Variants in PPP2R5D observed in about 807,000 individuals in gnomAD.
PPP2R5D encodes serine/threonine-protein phosphatase 2A 56 kDa regulatory subunit delta isoform.
Under a neutral mutation model 79.1 loss-of-function variants are expected in PPP2R5D, and 12 were observed. The ratio of observed to expected loss-of-function variants is 0.15; its 90% CI spans 0.10 to 0.25. The LOEUF (loss-of-function observed/expected upper bound fraction) is 0.25, where lower values mean the gene tolerates loss of function less well. PPP2R5D is among the 10% of genes least tolerant of loss of function. The pLI, the probability that PPP2R5D is intolerant of heterozygous loss-of-function variation, is 1.00. For synonymous variants in PPP2R5D, 277 were observed against 286.6 expected (o/e 0.97, Z 0.34); for missense variants, 419 against 760.2 (o/e 0.55, Z 5.28).
At chr6:43,003,878 G>A (rs1761914484) in intron 2 of PPP2R5D, among the ~76,000 whole-genome samples, 1 of 151,866 alleles carries the variant, frequency 6.6e-6, no homozygotes, top group Non-Finnish European at 1.5e-5. Context: ...GGGACTACAG[G>A]CACCCACCAC....
In PPP2R5D at chr6:43,009,340, T is replaced by A; in HGVS notation, c.1270T>A (p.Tyr424Asn). The A allele has an allele frequency of 6.2e-7, 1 of 1,614,004 alleles. No homozygotes were observed. The highest frequency in any genetic ancestry group is 8.5e-7 in the Non-Finnish European group (1 of 1,179,998). Residue 424 changes from tyrosine (Y) to asparagine (N), a missense_variant, in exon 12 of 16, where the codon TAT (tyrosine) becomes AAT (asparagine). Transcript: ENST00000485511. This position sits in a 1 kb window ranked among gnomAD's most constrained non-coding sequence, Gnocchi z 5.6. ...CCACCAGGTGGCAGAGCGTGCTCTC[T>A]ATTACTGGAACAATGAGTACATCAT... ...PHFQVAERAL[Y>N]YWNNEYIMSL...
chr6:43,001,061 GCTGGAAAGATCTGAGAAGAC>G (rs1234844026), intron 2 of PPP2R5D, among the ~76,000 whole-genome samples: 1 of 152,238 alleles, frequency 6.6e-6, no homozygotes, highest in East Asian at 1.9e-4. Context: ...ACACCCAAGG[GCTGGAAAGATCTGAGAAGAC>G]TTTTTGGAAG....
chr6:42,989,327 C>G (rs2150250782), intron 1 of PPP2R5D, among the ~76,000 whole-genome samples: 1 of 152,290 alleles, frequency 6.6e-6, no homozygotes, highest in Middle Eastern at 3.4e-3. Context: ...AAGGCCCTCC[C>G]AGGCCCAACC....
chr6:43,000,895 T>A (rs1772137792), intron 2 of PPP2R5D, among the ~76,000 whole-genome samples: 1 of 152,200 alleles, frequency 6.6e-6, no homozygotes, highest in Admixed American at 6.5e-5. Context: ...GTGTTAGTGC[T>A]GGGGGCACCC....
intron 2 of PPP2R5D, among the ~76,000 whole-genome samples, chr6:43,000,236 C>CCTTTTTTTT (rs1772083809): frequency 9.4e-6 from 1 of 106,028 alleles, no homozygotes; most frequent in African/African-American, 4.9e-5. Context: ...GTCTGGCCAC[C>CCTTTTTTTT]TTTTTTTTTT....
At chr6:43,004,367 C>CA (rs1403552524) in intron 2 of PPP2R5D, among the ~76,000 whole-genome samples, 1 of 152,166 alleles carries the variant, frequency 6.6e-6, no homozygotes, top group African/African-American at 2.4e-5. Flanking sequence ...AATTTTCTGT[C>CA]ATTATGTAGT....
chr6:43,004,298 C>T (rs998323096), intron 2 of PPP2R5D, among the ~76,000 whole-genome samples: 6 of 152,348 alleles, frequency 3.9e-5, no homozygotes, highest in African/African-American at 1.4e-4. Flanking sequence ...GCTGGGATTA[C>T]AGGCGTGAGC....
In PPP2R5D at chr6:43,006,737, G is replaced by T; in HGVS notation, c.322+58G>T. 1 of 1,590,604 alleles carries T rather than the reference G, an allele frequency of 6.3e-7. No homozygotes were observed. The highest frequency in any genetic ancestry group is 2.2e-5 in the East Asian group (1 of 44,506). Reference sequence around the variant, plus strand: ...CCAGTTCTAGTGGGCATCGGGAGTTGGTGGAATGGAAGTTTTGGGGTATTT... The same window carrying T: ...CCAGTTCTAGTGGGCATCGGGAGTTTGTGGAATGGAAGTTTTGGGGTATTT... On this transcript the variant is annotated intron_variant, in intron 3 of 15. Coordinates refer to ENST00000485511, the MANE Select transcript of PPP2R5D (RefSeq NM_006245.4). The surrounding 1 kb of genome is among the most constrained non-coding windows in gnomAD (Gnocchi z 4.7).
In PPP2R5D at chr6:43,010,958, C is replaced by G; in HGVS notation, c.1632C>G (p.Ile544Met). ...CAGAGACCCCCACAGCTGAGGACAT[C>G]CAGCTTCTGAAGAGGACTGTGGAGA... ...METETPTAED[I>M]QLLKRTVETE... is the part of the protein sequence containing the mutation. Residue 544 changes from isoleucine (I) to methionine (M), a missense_variant, in exon 15 of 16, where the codon ATC becomes ATG. Around this residue, in one of 5 missense-constraint regions of PPP2R5D, gnomAD observed 84 missense variants for 105.4 expected, o/e 0.80. Coordinates refer to ENST00000485511, the MANE Select transcript of PPP2R5D (RefSeq NM_006245.4). The surrounding 1 kb of genome is among the most constrained non-coding windows in gnomAD (Gnocchi z 4.7). 6.2e-7 allele frequency: 1 copy of G among 1,614,144 alleles called. No homozygotes were observed. The highest frequency in any genetic ancestry group is 8.5e-7 in the Non-Finnish European group (1 of 1,180,022).
rs199586805 is a variant in PPP2R5D, at chr6:43,009,039, G to A, written c.1081-18G>A. On this transcript the variant is annotated intron_variant, in intron 10 of 15. Coordinates refer to ENST00000485511, the MANE Select transcript of PPP2R5D (RefSeq NM_006245.4). This position sits in a 1 kb window ranked among gnomAD's most constrained non-coding sequence, Gnocchi z 5.6. ...AGGTGCAAAGAATTTTCATCCCCAT[G>A]CCCTCCTTGTCTCCCAGGTAATTGT... 28 of 1,611,682 alleles carry A rather than the reference G, an allele frequency of 1.7e-5. No homozygotes were observed. Among genetic ancestry groups the A allele is most frequent in the African/African-American group, 2.7e-5 (2 of 74,950 alleles).
chr6:42,989,975 C>T lies in PPP2R5D; in HGVS notation c.105+287C>T, dbSNP rs146130095. Among the ~76,000 whole-genome samples, 363 of 152,184 alleles carry T rather than the reference C, an allele frequency of 2.4e-3. 3 individuals carry two copies. The highest frequency in any genetic ancestry group is 8.0e-3 in the African/African-American group (331 of 41,532). On this transcript the variant is annotated intron_variant, in intron 2 of 15. Transcript: ENST00000485511. Reference sequence around the variant, plus strand: ...AATTCCTTTTTCTTAGGGCAAAAAGCGGGAGGTTCTGGGATCCTGGGCAAA... The same window carrying T: ...AATTCCTTTTTCTTAGGGCAAAAAGTGGGAGGTTCTGGGATCCTGGGCAAA...
At chr6:42,995,936 C>T (rs1771638618) in intron 2 of PPP2R5D, among the ~76,000 whole-genome samples, 1 of 150,668 alleles carries the variant, frequency 6.6e-6, no homozygotes, top group South Asian at 2.1e-4. Flanking sequence ...TCTCGGCTCA[C>T]TGCAGGCTCC....
chr6:43,008,288 C>T lies in PPP2R5D; in HGVS notation c.917+28C>T, dbSNP rs777637869. The T allele has an allele frequency of 1.2e-6, 2 of 1,614,022 alleles. No homozygotes were observed. The highest frequency in any genetic ancestry group is 1.7e-6 in the Non-Finnish European group (2 of 1,179,928). ...GAGAGGCCGGGTGGGGGCACAGATG[C>T]CTGAAAAAGGTTGGCAGGATTGGTG... On this transcript the variant is annotated intron_variant, in intron 8 of 15. Coordinates refer to ENST00000485511, the MANE Select transcript of PPP2R5D (RefSeq NM_006245.4). The surrounding 1 kb of genome is among the most constrained non-coding windows in gnomAD (Gnocchi z 4.2).
Position 43,010,144 on chromosome 6 carries a change from T to C in PPP2R5D, c.1380-324T>C, listed in dbSNP as rs1460800992. On this transcript the variant is annotated intron_variant, in intron 12 of 15. Transcript: ENST00000485511. This position sits in a 1 kb window ranked among gnomAD's most constrained non-coding sequence, Gnocchi z 4.7. ...ACTGTGGTGTAGATGCAGTCTGTCA[T>C]GCTGCATCTACATGCCCATCATGCT... 6.6e-6 allele frequency among the ~76,000 whole-genome samples: 1 copy of C among 151,052 alleles called. No individual in the cohort carries two copies. The highest frequency in any genetic ancestry group is 2.0e-4 in the East Asian group (1 of 5,118).
At chr6:42,984,774 A>C in intron 1 of PPP2R5D, 70 bp downstream of exon 1, 2 of 1,600,522 alleles carry the variant, frequency 1.2e-6, no homozygotes, top group Non-Finnish European at 1.7e-6. Context: ...GGCCGGAGCC[A>C]GGCCCGGGAC....
chr6:42,985,498 A>G (rs1300164033), intron 1 of PPP2R5D, among the ~76,000 whole-genome samples: 2 of 152,180 alleles, frequency 1.3e-5, no homozygotes, highest in African/African-American at 2.4e-5. Flanking sequence ...TTTTGTATCA[A>G]AGCCCTCCTA....
intron 2 of PPP2R5D, among the ~76,000 whole-genome samples, chr6:43,004,566 CTACTT>C (rs1179156786): frequency 8.6e-6 from 1 of 116,860 alleles, no homozygotes; most frequent in Non-Finnish European, 1.7e-5. Context: ...GATTCTTTTC[CTACTT>C]TTTTTTTTTT....
chr6:42,984,643 G>T lies in PPP2R5D; in HGVS notation c.-35G>T, dbSNP rs746030519. 1 of 1,585,014 alleles carries T rather than the reference G, an allele frequency of 6.3e-7. No individual in the cohort carries two copies. Among genetic ancestry groups the T allele is most frequent in the Non-Finnish European group, 8.6e-7 (1 of 1,167,656 alleles). On this transcript the variant is annotated 5_prime_UTR_variant, in exon 1 of 16. Transcript: ENST00000485511. ...CGAGCAAAGCCGGAGCCGGAGCGGG[G>T]CCGCAGGAGACGGGCCGGGTCCGGA...
Position 43,004,639 on chromosome 6 carries a change from C to G in PPP2R5D, c.106-1824C>G, listed in dbSNP as rs901442397. Reference sequence around the variant, plus strand: ...TCTACCATGGAAAATAAGTCCTCATCATTCTTATGCCTTTCTGCAGACATT... The same window carrying G: ...TCTACCATGGAAAATAAGTCCTCATGATTCTTATGCCTTTCTGCAGACATT... On this transcript the variant is annotated intron_variant, in intron 2 of 15. Transcript: ENST00000485511. Among the ~76,000 whole-genome samples the G allele has an allele frequency of 1.0e-4, 15 of 146,436 alleles. No individual in the cohort carries two copies. In the South Asian group the frequency reaches 3.2e-3, roughly 31 times the overall value.
Sources: allele counts gnomAD v4.1 joint callset (sites outside exome capture counted in the v4.1 genomes callset), GRCh38; gene constraint gnomAD v4.1.1; regional missense constraint gnomAD v4.1.1; non-coding constraint Gnocchi (gnomAD v3.1); transcripts MANE v1.5; gene names NCBI Gene and HGNC (gene_info 2026-07-23, HGNC 2026-07-21).